The following BLOC1S3 variants were observed in gnomAD, a reference collection of about 807,000 sequenced individuals.
The protein encoded by BLOC1S3 is biogenesis of lysosomal organelles complex 1 subunit 3.
BLOC1S3 carries 7 observed loss-of-function variants against 9.1 expected under a neutral mutation model. The ratio of observed to expected loss-of-function variants is 0.77; its 90% confidence interval spans 0.44 to 1.45. BLOC1S3 has a LOEUF of 1.45. BLOC1S3 is among the 40% of genes most tolerant of loss of function. BLOC1S3 has a pLI of 0.01. For missense variants in BLOC1S3, 307 were observed against 315.2 expected (o/e 0.97, Z 0.20); for synonymous variants, 145 against 158.4 (o/e 0.92, Z 0.64).
At chr19:45,184,478 C>T (rs1009118673), downstream of BLOC1S3, among the ~76,000 whole-genome samples, 10 of 152,090 alleles carry the variant, frequency 6.6e-5, no homozygotes, top group East Asian at 1.4e-3. Flanking sequence ...TGGTGGTGTG[C>T]GCCTGTGGTC....
At chr19:45,204,605 T>C (rs2096822372) in intron 3 of BLOC1S3, among the ~76,000 whole-genome samples, 1 of 152,212 alleles carries the variant, frequency 6.6e-6, no homozygotes, top group Non-Finnish European at 1.5e-5. Context: ...GCGTCTTACA[T>C]GTCTGACATC....
intron 2 of BLOC1S3, among the ~76,000 whole-genome samples, chr19:45,193,063 C>CG (rs1243617079): frequency 2.4e-5 from 3 of 125,972 alleles, no homozygotes; most frequent in African/African-American, 8.7e-5. Context: ...ACCCAGGAGG[C>CG]GGAGGTTGCT....
chr19:45,181,893 G>A (rs1286987177), downstream of BLOC1S3: 2 of 164,614 alleles, frequency 1.2e-5, no homozygotes, highest in Non-Finnish European at 2.9e-5. Flanking sequence ...CTCCATGCCT[G>A]GCTTATGGAA....
chr19:45,215,333 T>C (rs925894543), intron 3 of BLOC1S3, among the ~76,000 whole-genome samples: 1 of 151,882 alleles, frequency 6.6e-6, no homozygotes, highest in African/African-American at 2.4e-5. Context: ...TAGCTGGGCA[T>C]TGTGGTGCAT....
chr19:45,214,877 C>T (rs1457958317), intron 3 of BLOC1S3, among the ~76,000 whole-genome samples: 1 of 152,010 alleles, frequency 6.6e-6, no homozygotes, highest in Non-Finnish European at 1.5e-5. Flanking sequence ...ACTTATAGGC[C>T]AAGCGCAGTG....
At chr19:45,189,234 C>T (rs983752221) in intron 2 of BLOC1S3, among the ~76,000 whole-genome samples, 3 of 149,870 alleles carry the variant, frequency 2.0e-5, no homozygotes, top group East Asian at 4.0e-4. Flanking sequence ...TGGCCAGCCT[C>T]GTCTCAAACT....
intron 2 of BLOC1S3, among the ~76,000 whole-genome samples, chr19:45,188,031 A>ATTT (rs147597848): frequency 1.3e-5 from 2 of 151,142 alleles, no homozygotes; most frequent in East Asian, 1.9e-4. Flanking sequence ...CCAATTACAC[A>ATTT]TTTTTTTTTG....
At position 45,181,395 on chromosome 19, in the gene BLOC1S3, C is replaced by T. The variant is rs1035715134; in HGVS notation, c.*1490C>T. The T allele has an allele frequency of 1.2e-5, 2 of 167,122 alleles. No homozygotes were observed. Among genetic ancestry groups the T allele is most frequent in the Admixed American group, 1.3e-4 (2 of 15,274 alleles). 10.4% of individuals were successfully genotyped at this position (167,122 alleles called of 1,614,324 possible). A position where few individuals can be genotyped will look rare whatever the true frequency, so the allele number is the denominator to read the frequency against. On this transcript the variant is annotated 3_prime_UTR_variant, in exon 2 of 2. Transcript: ENST00000433642. ...GATGCTCGCTCTCAACTCTGTAGGC[C>T]AAGGTGGCGTCTCCTCTTGACTCTC... is the stretch of plus-strand genomic sequence containing the variant.
intron 3 of BLOC1S3, among the ~76,000 whole-genome samples, chr19:45,206,123 G>A (rs1025195933): frequency 6.6e-6 from 1 of 152,066 alleles, no homozygotes; most frequent in Non-Finnish European, 1.5e-5. Context: ...CGAGGCGGGT[G>A]GATCACCTGA....
At chr19:45,211,029 T>C (rs1190111058) in intron 3 of BLOC1S3, among the ~76,000 whole-genome samples, 1 of 152,118 alleles carries the variant, frequency 6.6e-6, no homozygotes, top group Non-Finnish European at 1.5e-5. Context: ...GGAGGATCAC[T>C]TGGGCTAGGA....
rs144482256 is a variant in BLOC1S3 at position 45,209,737 on chromosome 19, A to C, written n.283-6939A>C. Among the ~76,000 whole-genome samples the C allele has an allele frequency of 9.9e-3, 1,479 of 150,010 alleles. 32 individuals are homozygous for C. Among genetic ancestry groups the C allele is most frequent in the African/African-American group, 0.034 (1,379 of 40,628 alleles). On this transcript the variant is annotated intron_variant and non_coding_transcript_variant, in intron 3 of 3. Transcript: ENST00000591569. ...TGCCCGGCCTATTTTATTTTTTTTGAGGCGGAGTTTCGCCCTTGTTGCCCA... is the reference window on the plus strand; with the variant it reads ...TGCCCGGCCTATTTTATTTTTTTTGCGGCGGAGTTTCGCCCTTGTTGCCCA...
At chr19:45,190,855 G>A (rs1159117538) in intron 2 of BLOC1S3, among the ~76,000 whole-genome samples, 9 of 96,878 alleles carry the variant, frequency 9.3e-5, no homozygotes, top group African/African-American at 2.8e-4. Flanking sequence ...GCCCAGGCTG[G>A]AGTGCAGTGG....
intron 2 of BLOC1S3, among the ~76,000 whole-genome samples, chr19:45,193,132 C>CAAAAAAAAAAAAAAAAAAA (rs71173123): frequency 1.3e-5 from 1 of 77,928 alleles, no homozygotes; most frequent in Non-Finnish European, 2.7e-5. Flanking sequence ...AACTCCGTCT[C>CAAAAAAAAAAAAAAAAAAA]AAAAAAAAAA....
chr19:45,197,550 G>A (rs1969658231), intron 2 of BLOC1S3, among the ~76,000 whole-genome samples: 1 of 151,650 alleles, frequency 6.6e-6, no homozygotes, highest in African/African-American at 2.4e-5. Context: ...TTAGAGGCTG[G>A]GTGTGGTGGC....
intron 3 of BLOC1S3, among the ~76,000 whole-genome samples, chr19:45,206,841 T>A (rs1969731399): frequency 6.6e-6 from 1 of 151,938 alleles, no homozygotes; most frequent in African/African-American, 2.4e-5. Context: ...TTTTATTATT[T>A]TATTTATTTA....
Position 45,179,231 on chromosome 19 carries a change from C to A in BLOC1S3, c.-9-57C>A. On this transcript the variant is annotated intron_variant, in intron 1 of 1. Transcript: ENST00000433642. The surrounding 1 kb of genome is among the most constrained non-coding windows in gnomAD (Gnocchi z 4.6). ...AGGGGCTGGGAATCCAGGACCTGCG[C>A]CTTTTACCCACCGCGGCGCCGGTCT... 6.9e-7 allele frequency: 1 copy of A among 1,441,018 alleles called. No homozygotes were observed. The allele number at this position is 1,441,018 out of a possible 1,614,324, so 89.3% of individuals were successfully genotyped here.
chr19:45,197,696 G>A (rs546385947), intron 2 of BLOC1S3, among the ~76,000 whole-genome samples: 23 of 151,732 alleles, frequency 1.5e-4, no homozygotes, highest in African/African-American at 2.2e-4. Flanking sequence ...ATGATGGTGG[G>A]TGCCTGTAAT....
chr19:45,212,942 G>C (rs1969791076), intron 3 of BLOC1S3: 3 of 1,115,146 alleles, frequency 2.7e-6, no homozygotes, highest in Non-Finnish European at 3.6e-6. Context: ...TGGGTGAAAA[G>C]ACATCTAAGG....
At chr19:45,198,662 C>G (rs1371031906) in intron 2 of BLOC1S3, among the ~76,000 whole-genome samples, 1 of 152,088 alleles carries the variant, frequency 6.6e-6, no homozygotes, top group Non-Finnish European at 1.5e-5. Context: ...AAGTCTGCTG[C>G]CAGACGTATT....
Sources: gnomAD v4.1 joint callset for allele counts (sites outside exome capture counted in the v4.1 genomes callset) on GRCh38, gnomAD v4.1.1 for gene constraint, Gnocchi (gnomAD v3.1) non-coding constraint, MANE v1.5 for transcripts, NCBI Gene and HGNC (gene_info 2026-07-23, HGNC 2026-07-21) for gene names.